Variants in STPG2 observed in about 807,000 individuals in gnomAD.
STPG2 encodes sperm tail PG-rich repeat containing 2.
A neutral mutation model predicts 54.2 loss-of-function variants in STPG2; 56 were observed. That is an observed-to-expected ratio of 1.03 (90% CI 0.83 to 1.29). The LOEUF is 1.29. Ranked by LOEUF, STPG2 falls within the 50% of genes most tolerant of loss-of-function variation. The probability of loss-of-function intolerance (pLI) is 0.00; values close to 1 mark genes in which losing one functional copy is unlikely to be tolerated. For synonymous variants in STPG2, 200 were observed against 181.8 expected (o/e 1.10, Z -0.81); for missense variants, 596 against 544.9 (o/e 1.09, Z -0.93).
chr4:97,835,333 G>A (rs990649117), intron 9 of STPG2, among the ~76,000 whole-genome samples: 7 of 152,094 alleles, frequency 4.6e-5, no homozygotes, highest in Admixed American at 3.9e-4. Flanking sequence ...TCTAAGAAAT[G>A]CCAGAAAACG....
At chr4:97,550,767 G>A (rs1197136215) in intron 4 of STPG2, among the ~76,000 whole-genome samples, 2 of 151,950 alleles carry the variant, frequency 1.3e-5, no homozygotes, top group Non-Finnish European at 2.9e-5. Flanking sequence ...TGGTGGGTTC[G>A]TGGTCTCGCT....
At chr4:98,030,953 C>T (rs1370464345) in intron 5 of STPG2, among the ~76,000 whole-genome samples, 1 of 152,070 alleles carries the variant, frequency 6.6e-6, no homozygotes, top group Non-Finnish European at 1.5e-5. Flanking sequence ...ATAGCCAAAG[C>T]AAGACTAAGC....
In STPG2 at chr4:97,907,943, A is replaced by G. The variant is rs116671800; in HGVS notation, c.1044+35954T>C. Among the ~76,000 whole-genome samples the G allele has an allele frequency of 3.7e-3, 568 of 152,358 alleles. 1 individual carries two copies. Among genetic ancestry groups the G allele is most frequent in the African/African-American group, 0.013 (538 of 41,574 alleles). On this transcript the variant is annotated intron_variant, in intron 8 of 10. Transcript: ENST00000295268. Reference sequence around the variant, plus strand: ...GAAGAAAACCTAGGCCTGACCATTCAGGTCATAGGCTTGGGCAAGGTCTTC... The same window carrying G: ...GAAGAAAACCTAGGCCTGACCATTCGGGTCATAGGCTTGGGCAAGGTCTTC...
At chr4:97,527,048 G>A (rs1224122263) in intron 4 of STPG2, among the ~76,000 whole-genome samples, 1 of 150,924 alleles carries the variant, frequency 6.6e-6, no homozygotes, top group Non-Finnish European at 1.5e-5. Context: ...TGTGCAGAAC[G>A]TGCAGCTTTG....
At position 97,973,682 on chromosome 4, in the gene STPG2, G is replaced by A. The variant is rs548256839; in HGVS notation, c.773-1242C>T. Among the ~76,000 whole-genome samples, 28 of 152,288 alleles carry A rather than the reference G, an allele frequency of 1.8e-4. No individual in the cohort carries two copies. The South Asian group carries it at 2.1e-3, about 11-fold the overall frequency. ...CCAGGCTCCTGGTGCTATGTGCATC[G>A]TAACGACTTGGTGCCTTGCATCCCA... On this transcript the variant is annotated intron_variant, in intron 6 of 10. Transcript: ENST00000295268.
At chr4:98,077,225 T>TTG (rs1738195606) in intron 5 of STPG2, among the ~76,000 whole-genome samples, 3 of 148,570 alleles carry the variant, frequency 2.0e-5, no homozygotes, top group East Asian at 2.0e-4. Context: ...CCTCAATAGT[T>TTG]TTGTTGTTGT....
At chr4:97,454,423 G>A (rs1249945479) in intron 4 of STPG2, among the ~76,000 whole-genome samples, 1 of 147,438 alleles carries the variant, frequency 6.8e-6, no homozygotes, top group African/African-American at 2.5e-5. Flanking sequence ...TGAGGCAGGA[G>A]AATGGCGTGA....
At chr4:97,562,354 G>A (rs1732277619) in intron 10 of STPG2, among the ~76,000 whole-genome samples, 1 of 152,052 alleles carries the variant, frequency 6.6e-6, no homozygotes, top group South Asian at 2.1e-4. Flanking sequence ...GAGAAAATGG[G>A]GTTTTCTAGA....
At chr4:97,797,765 C>T (rs1317531573) in intron 9 of STPG2, among the ~76,000 whole-genome samples, 1 of 152,000 alleles carries the variant, frequency 6.6e-6, no homozygotes, top group Non-Finnish European at 1.5e-5. Flanking sequence ...AGGAATGGTA[C>T]CAGCTCCTCC....
intron 9 of STPG2, among the ~76,000 whole-genome samples, chr4:97,736,308 C>T (rs1724989815): frequency 6.6e-6 from 1 of 152,200 alleles, no homozygotes. Context: ...TTCTGCATTT[C>T]CATCTGAGGT....
chr4:97,674,350 T>C (rs998822064), intron 10 of STPG2, among the ~76,000 whole-genome samples: 1 of 152,150 alleles, frequency 6.6e-6, no homozygotes, highest in Admixed American at 6.5e-5. Context: ...ATATTGTAAA[T>C]TTTAAATGTG....
intron 9 of STPG2, among the ~76,000 whole-genome samples, chr4:97,807,996 AT>A (rs201794499): frequency 0.019 from 2,837 of 152,144 alleles, 35 homozygotes; most frequent in Non-Finnish European, 0.028. Context: ...GCCAAATATA[AT>A]TGAATATTTT....
rs1482668690 is a variant in STPG2, at chr4:98,143,200, T to TA, written c.-51dup. On this transcript the variant is annotated 5_prime_UTR_variant, in exon 1 of 11. Transcript: ENST00000295268. ...GGGGAAGGGCAGGTGCCGAAAACGA[T>TA]AAAAACAAGGTAGCTAGAAGTGTGG... 4.2e-6 allele frequency: 6 copies of TA among 1,440,784 alleles called. No homozygotes were observed. In the South Asian group the frequency reaches 4.7e-5, roughly 11 times the overall value. 89.2% of individuals were successfully genotyped at this position (1,440,784 alleles called of 1,614,324 possible).
At position 97,781,958 on chromosome 4, in the gene STPG2, A is replaced by C. The variant is rs188513861; in HGVS notation, c.1204+58815T>G. Among the ~76,000 whole-genome samples, 323 of 152,332 alleles carry C rather than the reference A, an allele frequency of 2.1e-3. 2 individuals are homozygous for C. Among genetic ancestry groups the C allele is most frequent in the African/African-American group, 7.4e-3 (309 of 41,578 alleles). On this transcript the variant is annotated intron_variant, in intron 9 of 10. Transcript: ENST00000295268. ...TAAAATAATAAGAGCTATTTATAAC[A>C]AACCCACAGCCAATATCATACTGAA...
chr4:97,691,949 C>A (rs1459403072), intron 10 of STPG2, among the ~76,000 whole-genome samples: 1 of 152,090 alleles, frequency 6.6e-6, no homozygotes, highest in Non-Finnish European at 1.5e-5. Flanking sequence ...AAATAACATG[C>A]TCTCAGAAAG....
intron 5 of STPG2, among the ~76,000 whole-genome samples, chr4:97,998,444 A>G (rs1735310857): frequency 6.6e-6 from 1 of 152,052 alleles, no homozygotes; most frequent in Admixed American, 6.6e-5. Flanking sequence ...CAAATGAGTC[A>G]CCCCAGCTGA....
At chr4:97,734,641 G>T (rs1299057435) in intron 9 of STPG2, among the ~76,000 whole-genome samples, 5 of 151,952 alleles carry the variant, frequency 3.3e-5, no homozygotes, top group Admixed American at 2.6e-4. Context: ...GCCTCCCAAG[G>T]ATAAATCTAA....
chr4:97,443,282 T>A (rs1244628665), intron 4 of STPG2, among the ~76,000 whole-genome samples: 1 of 152,156 alleles, frequency 6.6e-6, no homozygotes, highest in African/African-American at 2.4e-5. Context: ...ACTTTGGCCT[T>A]ATCGGGATCT....
At chr4:97,620,744 A>G (rs1389629836) in intron 10 of STPG2, among the ~76,000 whole-genome samples, 1 of 152,170 alleles carries the variant, frequency 6.6e-6, no homozygotes, top group Admixed American at 6.5e-5. Context: ...ATCAAGGCAG[A>G]AAATTACCAA....
Sources: gnomAD v4.1 joint callset for allele counts (sites outside exome capture counted in the v4.1 genomes callset) on GRCh38, gnomAD v4.1.1 for gene constraint, MANE v1.5 for transcripts, NCBI Gene and HGNC (gene_info 2026-07-23, HGNC 2026-07-21) for gene names.